Variants in ZSCAN20 observed in about 807,000 individuals in gnomAD.
The protein encoded by ZSCAN20 is zinc finger and SCAN domain-containing protein 20.
Under a neutral mutation model 97.1 loss-of-function variants are expected in ZSCAN20, and 39 were observed. The ratio of observed to expected loss-of-function variants is 0.40; its 90% CI spans 0.31 to 0.52. The LOEUF is 0.52. Ranked by LOEUF, ZSCAN20 falls within the 20% of genes least tolerant of loss-of-function variation. The pLI is 0.49. For synonymous variants in ZSCAN20, 456 were observed against 467.3 expected, an observed-to-expected ratio of 0.98 and a Z score of 0.31; for missense variants, 1,115 against 1,290.4, an observed-to-expected ratio of 0.86 and a Z score of 2.08.
intron 5 of ZSCAN20, 50 bp from the exon 6 acceptor site, chr1:33,490,975 A>C (rs765630966): frequency 2.0e-6 from 3 of 1,506,660 alleles, no homozygotes; most frequent in South Asian, 2.7e-5. Context: ...TTGGACAAAC[A>C]TGCCGCTCAA....
At position 33,488,591 on chromosome 1, in the gene ZSCAN20, T is replaced by C; in HGVS notation, c.544T>C (p.Cys182Arg). 1 of 1,613,390 alleles carries C rather than the reference T, an allele frequency of 6.2e-7. No homozygotes were observed. Among genetic ancestry groups the C allele is most frequent in the Non-Finnish European group, 8.5e-7 (1 of 1,179,782 alleles). ...QSQKKGVKNT[C>R]PDLPNHLNAE... ...CCAGAAGAAGGGGGTGAAGAATACATGCCCTGACCTTCCCAATCACCTAAA... is the reference window on the plus strand; with the variant it reads ...CCAGAAGAAGGGGGTGAAGAATACACGCCCTGACCTTCCCAATCACCTAAA... Residue 182 changes from cysteine (C) to arginine (R), a missense_variant, in exon 3 of 8, where the codon TGC becomes CGC. By Grantham distance (180) the Cys-to-Arg change is radical. Around this residue, in one of 3 missense-constraint regions of ZSCAN20, gnomAD observed 508 missense variants for 611.2 expected, o/e 0.83. Transcript: ENST00000684572.
rs1165632310 is a variant in ZSCAN20 at position 33,493,458 on chromosome 1, G to A, written c.1716G>A (p.Arg572=). The A allele has an allele frequency of 2.5e-6, 4 of 1,614,086 alleles. No homozygotes were observed. Among genetic ancestry groups the A allele is most frequent in the Non-Finnish European group, 3.4e-6 (4 of 1,180,054 alleles). The change falls in exon 7 of 8, where the codon CGG becomes CGA. Residue 572 remains arginine (R), a synonymous_variant. Coordinates refer to ENST00000684572, the MANE Select transcript of ZSCAN20 (RefSeq NM_001377376.1). This position sits in a 1 kb window ranked among gnomAD's most constrained non-coding sequence, Gnocchi z 4.3. ...AACTGGACTCGCTGATGAGGGCTCG[G>A]GCTGCAGTCAGGGCCATGGGGACTG... ...YEELDSLMRA[R]AAVRAMGTVR...
chr1:33,475,034 C>T (rs984061933), intron 1 of ZSCAN20, among the ~76,000 whole-genome samples: 17 of 152,182 alleles, frequency 1.1e-4, no homozygotes, highest in Admixed American at 9.8e-4. Flanking sequence ...CAAAGTAACA[C>T]AGCTGATTAG....
chr1:33,493,707 AAG>A lies in ZSCAN20; in HGVS notation c.1873+98_1873+99del. 1.5e-6 allele frequency: 2 copies of A among 1,354,168 alleles called. No homozygotes were observed. Among genetic ancestry groups the A allele is most frequent in the Admixed American group, 2.3e-5 (1 of 43,374 alleles). 83.9% of individuals were successfully genotyped at this position (1,354,168 alleles called of 1,614,324 possible). A position where few individuals can be genotyped will look rare whatever the true frequency, so the allele number is the denominator to read the frequency against. ...TCATTATCTTTTGTCTCTTAACTAA[AAG>A]AGAGAATGGGATTGAATGGGAAAAA... On this transcript the variant is annotated intron_variant, in intron 7 of 7. Coordinates refer to ENST00000684572, the MANE Select transcript of ZSCAN20 (RefSeq NM_001377376.1). The surrounding 1 kb of genome is among the most constrained non-coding windows in gnomAD (Gnocchi z 4.3).
intron 3 of ZSCAN20, 25 bp from the exon 4 acceptor site, chr1:33,489,090 T>A: frequency 6.3e-7 from 1 of 1,597,134 alleles, no homozygotes; most frequent in African/African-American, 1.3e-5. Flanking sequence ...GAGCTTGGGT[T>A]TCAGTGACTT....
intron 1 of ZSCAN20, among the ~76,000 whole-genome samples, chr1:33,475,385 C>T (rs80002954): frequency 0.017 from 2,622 of 152,288 alleles, 69 homozygotes; most frequent in African/African-American, 0.058. Context: ...GGCAAGGAGC[C>T]GTTTCAGAAA....
intron 2 of ZSCAN20, among the ~76,000 whole-genome samples, chr1:33,488,147 A>G (rs1652441636): frequency 6.6e-6 from 1 of 152,056 alleles, no homozygotes; most frequent in African/African-American, 2.4e-5. Flanking sequence ...TAAGCAACCT[A>G]TTTTTGATGC....
At chr1:33,490,928 C>A in intron 5 of ZSCAN20, 97 bp from the exon 6 acceptor site, 2 of 1,187,824 alleles carry the variant, frequency 1.7e-6, no homozygotes, top group Non-Finnish European at 2.3e-6. Context: ...TTCTCGTTAG[C>A]CTCTTGCAAG....
Position 33,495,517 on chromosome 1 carries a change from T to C in ZSCAN20, c.*41T>C. On this transcript the variant is annotated 3_prime_UTR_variant, in exon 8 of 8. Coordinates refer to ENST00000684572, the MANE Select transcript of ZSCAN20 (RefSeq NM_001377376.1). ...ACAACAAAGGAGGACTCAATGTATA[T>C]ATCTTATATCATAAGATGTATGCTA... is the stretch of plus-strand genomic sequence containing the variant. The C allele has an allele frequency of 7.0e-7, 1 of 1,436,180 alleles. No homozygotes were observed. Among genetic ancestry groups the C allele is most frequent in the Non-Finnish European group, 9.2e-7 (1 of 1,085,314 alleles). The allele number at this position is 1,436,180 out of a possible 1,614,324, so 89.0% of individuals were successfully genotyped here. A position where few individuals can be genotyped will look rare whatever the true frequency, so the allele number is the denominator to read the frequency against.
rs200698123 is a variant in ZSCAN20 at position 33,491,467 on chromosome 1, G to A, written c.1209G>A (p.Glu403=). 2 of 1,614,176 alleles carry A rather than the reference G, an allele frequency of 1.2e-6. No homozygotes were observed. The highest frequency in any genetic ancestry group is 3.3e-5 in the Admixed American group (2 of 60,022). ...CACCAGGTACCTGCCCCTTCTATGAGGAGCTGGAGGCCCTGGTCAGGGCTC... is the reference window on the plus strand; with the variant it reads ...CACCAGGTACCTGCCCCTTCTATGAAGAGCTGGAGGCCCTGGTCAGGGCTC... ...SHPPGTCPFY[E]ELEALVRART... Residue 403 remains glutamate, a synonymous_variant, in exon 6 of 8, where the codon GAG becomes GAA. Transcript: ENST00000684572. This position sits in a 1 kb window ranked among gnomAD's most constrained non-coding sequence, Gnocchi z 4.3.
intron 2 of ZSCAN20, among the ~76,000 whole-genome samples, chr1:33,481,898 A>G (rs1237109173): frequency 1.3e-5 from 2 of 152,190 alleles, no homozygotes; most frequent in Non-Finnish European, 2.9e-5. Context: ...TTTTTAGAGC[A>G]ATTTTAGGCT....
In ZSCAN20 at chr1:33,498,786, A is replaced by C. The variant is rs188634714; in HGVS notation, c.*3310A>C. ...ATGGCTGCCTCCCCTTGATTTCTTCACCCTCCACCTCAAGAAGGGCATTGG... is the reference window on the plus strand; with the variant it reads ...ATGGCTGCCTCCCCTTGATTTCTTCCCCCTCCACCTCAAGAAGGGCATTGG... On this transcript the variant is annotated 3_prime_UTR_variant, in exon 8 of 8. Coordinates refer to ENST00000684572, the MANE Select transcript of ZSCAN20 (RefSeq NM_001377376.1). 1.5e-3 allele frequency among the ~76,000 whole-genome samples: 227 copies of C among 151,904 alleles called. 1 individual carries two copies. Among genetic ancestry groups the C allele is most frequent in the African/African-American group, 5.3e-3 (220 of 41,412 alleles).
In ZSCAN20 at chr1:33,493,095, C is replaced by G; in HGVS notation, c.1445-92C>G. 1.5e-6 allele frequency: 2 copies of G among 1,298,912 alleles called. No homozygotes were observed. Among genetic ancestry groups the G allele is most frequent in the South Asian group, 2.8e-5 (2 of 72,562 alleles). The allele number at this position is 1,298,912 out of a possible 1,614,324, so 80.5% of individuals were successfully genotyped here. On this transcript the variant is annotated intron_variant, in intron 6 of 7. Coordinates refer to ENST00000684572, the MANE Select transcript of ZSCAN20 (RefSeq NM_001377376.1). The surrounding 1 kb of genome is among the most constrained non-coding windows in gnomAD (Gnocchi z 4.3). ...GGATAGTTTCTGACATGCCTATGTT[C>G]TAGGTATTTTGAAGGGCAGGTGACT...
rs1319075406 is a variant in ZSCAN20 at position 33,493,571 on chromosome 1, A to G, written c.1829A>G (p.Asp610Gly). ...GCCTGGGGTGAAGTGGCCAATGAAG[A>G]TGCTGTCAAACCTTCAACCTTGTGT... is the stretch of plus-strand genomic sequence containing the variant. ...QEAWGEVANE[D>G]AVKPSTLCPK... The change falls in exon 7 of 8, where the codon GAT becomes GGT. Residue 610 changes from aspartate to glycine, a missense_variant. By Grantham distance (94) the Asp-to-Gly change is moderately conservative. This residue lies in a region of ZSCAN20 where 554 missense variants were observed against 584.9 expected (regional missense o/e 0.95). Coordinates refer to ENST00000684572, the MANE Select transcript of ZSCAN20 (RefSeq NM_001377376.1). This position sits in a 1 kb window ranked among gnomAD's most constrained non-coding sequence, Gnocchi z 4.3. The G allele has an allele frequency of 1.9e-6, 3 of 1,606,846 alleles. No homozygotes were observed. Among genetic ancestry groups the G allele is most frequent in the Non-Finnish European group, 2.6e-6 (3 of 1,175,372 alleles).
At position 33,498,743 on chromosome 1, in the gene ZSCAN20, G is replaced by T. The variant is rs1374456146; in HGVS notation, c.*3267G>T. Among the ~76,000 whole-genome samples, 3 of 152,126 alleles carry T rather than the reference G, an allele frequency of 2.0e-5. No homozygotes were observed. Among genetic ancestry groups the T allele is most frequent in the African/African-American group, 7.2e-5 (3 of 41,422 alleles). On this transcript the variant is annotated 3_prime_UTR_variant, in exon 8 of 8. Coordinates refer to ENST00000684572, the MANE Select transcript of ZSCAN20 (RefSeq NM_001377376.1). ...TGTTACATCATGTGAGCTGCTAAAG[G>T]CAGGATCGTCTCCCCAGATGGCTGC...
Position 33,493,609 on chromosome 1 carries a change from G to A in ZSCAN20, c.1867G>A (p.Asp623Asn). 7 of 1,572,840 alleles carry A rather than the reference G, an allele frequency of 4.5e-6. No homozygotes were observed. The highest frequency in any genetic ancestry group is 5.2e-6 in the Non-Finnish European group (6 of 1,156,838). Residue 623 changes from aspartate to asparagine, a missense_variant, in exon 7 of 8, where the codon GAC (aspartate) becomes AAC (asparagine). By Grantham distance (23) the Asp-to-Asn change is conservative. This residue lies in a region of ZSCAN20 where 554 missense variants were observed against 584.9 expected (regional missense o/e 0.95). Transcript: ENST00000684572. This position sits in a 1 kb window ranked among gnomAD's most constrained non-coding sequence, Gnocchi z 4.3. ...TTCAACCTTGTGTCCTAAAGCCCCA[G>A]ACATGGGTAAGCCTGGAGTAATTGG... The part of the protein sequence containing the change: ...KPSTLCPKAP[D>N]MGFEMRHEDE...
chr1:33,494,500 T>G lies in ZSCAN20; in HGVS notation c.2156T>G (p.Phe719Cys). 1 of 1,614,238 alleles carries G rather than the reference T, an allele frequency of 6.2e-7. No individual in the cohort carries two copies. The highest frequency in any genetic ancestry group is 8.5e-7 in the Non-Finnish European group (1 of 1,180,042). Residue 719 changes from phenylalanine (F) to cysteine (C), a missense_variant, in exon 8 of 8, where the codon TTC (phenylalanine) becomes TGC (cysteine). Around this residue, in one of 3 missense-constraint regions of ZSCAN20, gnomAD observed 554 missense variants for 584.9 expected, o/e 0.95. Transcript: ENST00000684572. Reference sequence around the variant, plus strand: ...AAGTGTGACACATGCATGAAGAGCTTCAGTCGGAGCTCCCACTTCATTGCC... The same window carrying G: ...AAGTGTGACACATGCATGAAGAGCTGCAGTCGGAGCTCCCACTTCATTGCC... ...PYKCDTCMKSFSRSSHFIAHQ... is the reference protein window; with the variant it reads ...PYKCDTCMKSCSRSSHFIAHQ...
Position 33,489,096 on chromosome 1 carries a change from G to A in ZSCAN20, c.605-19G>A, listed in dbSNP as rs200780193. The stretch of plus-strand genomic sequence containing the variant: ...TGGGAACCAGAGCTTGGGTTTCAGT[G>A]ACTTTTTCTTTTCCTCAGCTGTCCT... On this transcript the variant is annotated intron_variant, in intron 3 of 7. Transcript: ENST00000684572. The A allele has an allele frequency of 6.2e-7, 1 of 1,602,068 alleles. No individual in the cohort carries two copies. The highest frequency in any genetic ancestry group is 1.7e-4 in the Middle Eastern group (1 of 5,994).
chr1:33,494,414 T>C lies in ZSCAN20; in HGVS notation c.2070T>C (p.Ser690=). 1 of 1,613,740 alleles carries C rather than the reference T, an allele frequency of 6.2e-7. No individual in the cohort carries two copies. Among genetic ancestry groups the C allele is most frequent in the Non-Finnish European group, 8.5e-7 (1 of 1,179,826 alleles). The change falls in exon 8 of 8, where the codon TCT becomes TCC. Residue 690 remains serine, a synonymous_variant. Coordinates refer to ENST00000684572, the MANE Select transcript of ZSCAN20 (RefSeq NM_001377376.1). ...PSQEQWQESS[S]EEDLEKLIDH... is the part of the protein sequence containing the mutation. Reference sequence around the variant, plus strand: ...AGGAACAGTGGCAAGAAAGTTCTTCTGAAGAGGACTTAGAAAAACTTATTG... The same window carrying C: ...AGGAACAGTGGCAAGAAAGTTCTTCCGAAGAGGACTTAGAAAAACTTATTG...
Sources: gnomAD v4.1 joint callset for allele counts (sites outside exome capture counted in the v4.1 genomes callset) on GRCh38, gnomAD v4.1.1 for gene constraint, gnomAD v4.1.1 regional missense constraint, Gnocchi (gnomAD v3.1) non-coding constraint, MANE v1.5 for transcripts, NCBI Gene and HGNC (gene_info 2026-07-23, HGNC 2026-07-21) for gene names.